The following THSD7B variants were observed in gnomAD, a reference collection of about 807,000 sequenced individuals.
THSD7B encodes thrombospondin type-1 domain-containing protein 7B.
Under a neutral mutation model 213.6 loss-of-function variants are expected in THSD7B, and 138 were observed. That is an observed-to-expected ratio of 0.65 (90% CI 0.56 to 0.74). The LOEUF is 0.74. Among genes scored for constraint, THSD7B ranks in the 30% least tolerant of loss-of-function variants. THSD7B has a pLI of 0.00. For missense variants in THSD7B, 1,931 were observed against 1,991.5 expected, an observed-to-expected ratio of 0.97 and a Z score of 0.58; for synonymous variants, 742 against 687.0, an observed-to-expected ratio of 1.08 and a Z score of -1.25.
rs999597666 is a variant in THSD7B, at chr2:137,331,885, C to T, written c.2500+55859C>T. Among the ~76,000 whole-genome samples the T allele has an allele frequency of 6.8e-4, 103 of 152,240 alleles. 1 individual carries two copies. The highest frequency in any genetic ancestry group is 9.1e-4 in the Admixed American group (14 of 15,308). ...CCCTCATTGCCCGGGGCCGGCGGGGCCGGCCGGCTGCTCCAAGTGCGGGCC... is the reference window on the plus strand; with the variant it reads ...CCCTCATTGCCCGGGGCCGGCGGGGTCGGCCGGCTGCTCCAAGTGCGGGCC... On this transcript the variant is annotated intron_variant, in intron 12 of 27. Coordinates refer to ENST00000409968, the MANE Select transcript of THSD7B (RefSeq NM_001316349.2).
intron 1 of THSD7B, among the ~76,000 whole-genome samples, chr2:136,820,589 C>T (rs1432021351): frequency 6.6e-6 from 1 of 151,932 alleles, no homozygotes. Flanking sequence ...CTAAGGGGAA[C>T]AAAAGAGACA....
intron 2 of THSD7B, among the ~76,000 whole-genome samples, chr2:136,898,976 T>C (rs1684015073): frequency 6.6e-6 from 1 of 152,084 alleles, no homozygotes; most frequent in Non-Finnish European, 1.5e-5. Context: ...TGTTACCCCT[T>C]ATGTCCAGAG....
At chr2:137,301,976 C>G (rs1322758739) in intron 12 of THSD7B, among the ~76,000 whole-genome samples, 1 of 152,002 alleles carries the variant, frequency 6.6e-6, no homozygotes, top group Non-Finnish European at 1.5e-5. Flanking sequence ...AAGACCCAAG[C>G]AAGGACACCA....
intron 7 of THSD7B, among the ~76,000 whole-genome samples, chr2:137,208,058 T>G (rs1681022689): frequency 6.6e-6 from 1 of 152,100 alleles, no homozygotes; most frequent in Non-Finnish European, 1.5e-5. Context: ...TTTTTAATTC[T>G]GTAACCGGCT....
intron 1 of THSD7B, among the ~76,000 whole-genome samples, chr2:136,863,459 C>T (rs1275456964): frequency 6.6e-6 from 1 of 152,196 alleles, no homozygotes; most frequent in Admixed American, 6.5e-5. Context: ...CCATCCAGAT[C>T]CTTTTGCAGT....
At chr2:136,805,419 G>A (rs929813589) in intron 1 of THSD7B, among the ~76,000 whole-genome samples, 1 of 152,226 alleles carries the variant, frequency 6.6e-6, no homozygotes, top group African/African-American at 2.4e-5. Context: ...GAGATGATCT[G>A]TTTCATGAAT....
intron 4 of THSD7B, among the ~76,000 whole-genome samples, chr2:137,111,602 C>G (rs78221278): frequency 0.023 from 3,540 of 152,170 alleles, 148 homozygotes; most frequent in African/African-American, 0.08. Flanking sequence ...AGTAATGCCC[C>G]TAAGTTCATT....
chr2:137,439,424 A>C (rs1167967855), intron 14 of THSD7B, among the ~76,000 whole-genome samples: 6 of 152,144 alleles, frequency 3.9e-5, no homozygotes, highest in African/African-American at 1.4e-4. Context: ...TTAAATAAAT[A>C]AATTGAAATG....
chr2:137,322,384 G>A (rs10496768), intron 12 of THSD7B, among the ~76,000 whole-genome samples: 14,406 of 152,222 alleles, frequency 0.095, 889 homozygotes, highest in Middle Eastern at 0.16. Flanking sequence ...ATAGCATGGA[G>A]CCTGACATAT....
intron 2 of THSD7B, among the ~76,000 whole-genome samples, chr2:136,934,085 T>C (rs973521273): frequency 3.9e-5 from 6 of 152,178 alleles, no homozygotes; most frequent in African/African-American, 1.2e-4. Context: ...GGCTATTAAA[T>C]CCACAAATTA....
At chr2:136,927,231 C>T (rs1322808245) in intron 2 of THSD7B, among the ~76,000 whole-genome samples, 2 of 151,062 alleles carry the variant, frequency 1.3e-5, no homozygotes, top group Non-Finnish European at 2.9e-5. Flanking sequence ...CTCTTTCTCT[C>T]CCTCCCGTTT....
At chr2:137,123,110 G>A (rs1378545769) in intron 5 of THSD7B, among the ~76,000 whole-genome samples, 3 of 152,008 alleles carry the variant, frequency 2.0e-5, no homozygotes, top group African/African-American at 7.3e-5. Flanking sequence ...CTTGTCCTTG[G>A]CTCGTGCTGT....
At chr2:136,766,104 C>T (rs956025665) in intron 1 of THSD7B, among the ~76,000 whole-genome samples, 2 of 152,186 alleles carry the variant, frequency 1.3e-5, no homozygotes, top group African/African-American at 2.4e-5. Flanking sequence ...CGGAGAGCCT[C>T]GGCGCCCAAA....
chr2:137,249,518 T>G (rs1418775977), intron 10 of THSD7B, among the ~76,000 whole-genome samples: 1 of 152,056 alleles, frequency 6.6e-6, no homozygotes, highest in African/African-American at 2.4e-5. Flanking sequence ...TCTCACTCCA[T>G]TACTCCGTCT....
At chr2:137,586,429 A>C (rs920184077) in intron 17 of THSD7B, among the ~76,000 whole-genome samples, 5 of 152,118 alleles carry the variant, frequency 3.3e-5, no homozygotes, top group African/African-American at 1.2e-4. Context: ...TCTTCCTAGC[A>C]TCGATGGTCT....
rs577569237 is a variant in THSD7B, at chr2:137,048,271, T to A, written c.140-8149T>A. ...TTACTGCTATTTCTCAGATTTTTTT[T>A]AAAAAAATGCTAGCTTGAAAATTAT... On this transcript the variant is annotated intron_variant, in intron 2 of 27. Transcript: ENST00000409968. Among the ~76,000 whole-genome samples, 390 of 152,232 alleles carry A rather than the reference T, an allele frequency of 2.6e-3. 1 individual carries two copies. The highest frequency in any genetic ancestry group is 7.1e-3 in the African/African-American group (296 of 41,538).
intron 5 of THSD7B, among the ~76,000 whole-genome samples, chr2:137,119,918 C>T (rs1198011183): frequency 6.6e-6 from 1 of 152,138 alleles, no homozygotes; most frequent in Non-Finnish European, 1.5e-5. Context: ...ATTCCACCAT[C>T]ATTTGAAAGA....
chr2:137,021,055 C>T (rs1025520297), intron 2 of THSD7B, among the ~76,000 whole-genome samples: 23 of 152,162 alleles, frequency 1.5e-4, no homozygotes, highest in Admixed American at 1.4e-3. Flanking sequence ...GGTTCATTAC[C>T]ACTTGTGGAA....
intron 15 of THSD7B, among the ~76,000 whole-genome samples, chr2:137,507,391 A>G (rs936222603): frequency 6.6e-6 from 1 of 152,204 alleles, no homozygotes; most frequent in Non-Finnish European, 1.5e-5. Flanking sequence ...ACAAATTCCC[A>G]TAACTTTGGG....
Sources: gnomAD v4.1 joint callset for allele counts (sites outside exome capture counted in the v4.1 genomes callset) on GRCh38, gnomAD v4.1.1 for gene constraint, MANE v1.5 for transcripts, NCBI Gene and HGNC (gene_info 2026-07-23, HGNC 2026-07-21) for gene names.